Variants in RASGRF1 observed in about 807,000 individuals in gnomAD.
RASGRF1 encodes Ras protein specific guanine nucleotide releasing factor 1.
In RASGRF1, 40 loss-of-function variants were observed where a neutral mutation model predicts 138.7. That is an observed-to-expected ratio of 0.29 (90% confidence interval 0.22 to 0.38). The LOEUF is 0.38. Ranked by LOEUF, RASGRF1 falls within the 10% of genes least tolerant of loss-of-function variation. RASGRF1 has a pLI of 1.00. For synonymous variants in RASGRF1, 614 were observed against 663.2 expected, an observed-to-expected ratio of 0.93 and a Z score of 1.14; for missense variants, 1,108 against 1,650.4, an observed-to-expected ratio of 0.67 and a Z score of 5.69.
chr15:79,005,267 G>C (rs1342083637), intron 14 of RASGRF1: 1 of 985,688 alleles, frequency 1.0e-6, no homozygotes, highest in Non-Finnish European at 1.2e-6. Flanking sequence ...GGCAGCAGAG[G>C]TGTGGATTGG....
chr15:79,076,307 A>AGGGGAGGGGT, intron 1 of RASGRF1, among the ~76,000 whole-genome samples: 1 of 145,774 alleles, frequency 6.9e-6, no homozygotes, highest in Non-Finnish European at 1.5e-5. Flanking sequence ...AGGGGAGGGG[A>AGGGGAGGGGT]GGGGAGGTTG....
chr15:79,054,010 G>GTCAGCCCATTTCTAGC (rs1489717611), intron 3 of RASGRF1, among the ~76,000 whole-genome samples: 1 of 152,218 alleles, frequency 6.6e-6, no homozygotes, highest in Non-Finnish European at 1.5e-5. Context: ...TTCCCATGAT[G>GTCAGCCCATTTCTAGC]TCAGCCCATT....
In RASGRF1 at chr15:78,972,013, T is replaced by C. The variant is rs142285049; in HGVS notation, c.3613-79A>G. On this transcript the variant is annotated intron_variant, in intron 25 of 26. Transcript: ENST00000558480. ...CCAACTTTGCAGAGCTGAAGGGGCA[T>C]CAACAACTAAATCTGAAGTCAGCCT... The C allele has an allele frequency of 2.3e-4, 285 of 1,227,564 alleles. 1 individual carries two copies. In the East Asian group the frequency reaches 6.3e-3, roughly 27 times the overall value. 76.0% of individuals were successfully genotyped at this position (1,227,564 alleles called of 1,614,324 possible). A position where few individuals can be genotyped will look rare whatever the true frequency, so the allele number is the denominator to read the frequency against.
rs529644322 is a variant in RASGRF1, at chr15:79,071,520, C to T, written c.277-6994G>A. The stretch of plus-strand genomic sequence containing the variant: ...GACTACAGGTGTGCGCCGCCATGCC[C>T]GGCTAATTTTTTTTTTTTTTTGTAT... On this transcript the variant is annotated intron_variant, in intron 1 of 26. Coordinates refer to ENST00000558480, the MANE Select transcript of RASGRF1 (RefSeq NM_001145648.3). Among the ~76,000 whole-genome samples, 184 of 149,508 alleles carry T rather than the reference C, an allele frequency of 1.2e-3. 1 individual carries two copies. The highest frequency in any genetic ancestry group is 4.1e-3 in the African/African-American group (162 of 39,148).
intron 24 of RASGRF1, chr15:78,979,053 G>C: frequency 7.7e-7 from 1 of 1,291,524 alleles, no homozygotes; most frequent in Non-Finnish European, 1.0e-6. Flanking sequence ...AGCCATGTGA[G>C]GAGGTGGATG....
chr15:78,992,340 C>T (rs2056288128), intron 20 of RASGRF1, among the ~76,000 whole-genome samples: 1 of 152,204 alleles, frequency 6.6e-6, no homozygotes, highest in South Asian at 2.1e-4. Flanking sequence ...AGTCCGTGTC[C>T]CTGGCCCCCA....
intron 5 of RASGRF1, among the ~76,000 whole-genome samples, chr15:79,042,812 TAGTGTGGGAAGTATAGTCCAGA>T (rs561450398): frequency 2.8e-4 from 42 of 152,272 alleles, no homozygotes; most frequent in Admixed American, 2.3e-3. Flanking sequence ...AGCCCTGCTG[TAGTGTGGGAAGTATAGTCCAGA>T]AGCTTCAATC....
At chr15:79,021,144 C>T (rs1001976951) in intron 10 of RASGRF1, among the ~76,000 whole-genome samples, 1 of 152,190 alleles carries the variant, frequency 6.6e-6, no homozygotes, top group African/African-American at 2.4e-5. Context: ...CCTGAAATGC[C>T]CTGAGCCAAG....
Position 79,032,608 on chromosome 15 carries a change from G to A in RASGRF1, c.959-292C>T, listed in dbSNP as rs887039753. On this transcript the variant is annotated intron_variant, in intron 6 of 26. Coordinates refer to ENST00000558480, the MANE Select transcript of RASGRF1 (RefSeq NM_001145648.3). The surrounding 1 kb of genome is among the most constrained non-coding windows in gnomAD (Gnocchi z 4.5). The stretch of plus-strand genomic sequence containing the variant: ...GTCAGAGAGAGGAGGTAGAGTGGGC[G>A]CTGTGGGGTGCCACCTGGATCCCCC... Among the ~76,000 whole-genome samples the A allele has an allele frequency of 1.4e-4, 21 of 152,170 alleles. No individual in the cohort carries two copies. The highest frequency in any genetic ancestry group is 3.6e-4 in the African/African-American group (15 of 41,440).
At chr15:78,988,792 T>C (rs1218198546) in intron 22 of RASGRF1, among the ~76,000 whole-genome samples, 2 of 151,468 alleles carry the variant, frequency 1.3e-5, no homozygotes, top group African/African-American at 4.9e-5. Flanking sequence ...GGCTCTGTGG[T>C]TCAGGGGTTG....
At chr15:78,975,829 T>C (rs1353466332) in intron 24 of RASGRF1, among the ~76,000 whole-genome samples, 3 of 152,190 alleles carry the variant, frequency 2.0e-5, no homozygotes, top group Admixed American at 2.0e-4. Context: ...CAGCTCTTCA[T>C]TTCCTTTCTA....
At chr15:79,035,375 C>G (rs1595924478) in intron 5 of RASGRF1, among the ~76,000 whole-genome samples, 165 bp from the exon 6 acceptor site, 1 of 152,230 alleles carries the variant, frequency 6.6e-6, no homozygotes, top group Non-Finnish European at 1.5e-5. Flanking sequence ...TCTGGGGGTG[C>G]CTGGTGGTGC....
At chr15:79,001,831 T>A (rs2056534740) in intron 15 of RASGRF1, 44 bp from the exon 16 acceptor site, 2 of 1,073,244 alleles carry the variant, frequency 1.9e-6, no homozygotes, top group Non-Finnish European at 2.5e-6. Context: ...TTAATTTTAA[T>A]TTTAAAATTT....
chr15:79,022,324 C>T (rs992313701), intron 10 of RASGRF1, among the ~76,000 whole-genome samples: 3 of 151,988 alleles, frequency 2.0e-5, no homozygotes, highest in Non-Finnish European at 4.4e-5. Context: ...CCTATAATTC[C>T]AGCTACTCGG....
chr15:79,017,435 T>C (rs1190902548), intron 12 of RASGRF1, among the ~76,000 whole-genome samples: 1 of 152,204 alleles, frequency 6.6e-6, no homozygotes, highest in Non-Finnish European at 1.5e-5. Context: ...ACAGGTCACA[T>C]GCCAACAATT....
At chr15:79,056,430 G>A (rs2057512180) in intron 3 of RASGRF1, among the ~76,000 whole-genome samples, 4 of 152,168 alleles carry the variant, frequency 2.6e-5, no homozygotes, top group African/African-American at 9.7e-5. Context: ...GGCCGGAGTG[G>A]GGACATCCCT....
intron 5 of RASGRF1, among the ~76,000 whole-genome samples, chr15:79,044,137 TGCCCCTCCACATGGCAGAGGG>T (rs1482092471): frequency 6.6e-6 from 1 of 152,128 alleles, no homozygotes; most frequent in Non-Finnish European, 1.5e-5. Flanking sequence ...CCCCAAGGAG[TGCCCCTCCACATGGCAGAGGG>T]GCTGAGTTTC....
intron 16 of RASGRF1, 58 bp downstream of exon 16, chr15:79,001,604 C>A: frequency 6.3e-7 from 1 of 1,577,432 alleles, no homozygotes; most frequent in Non-Finnish European, 8.7e-7. Flanking sequence ...CTCGACTTGA[C>A]CTACTGCCCT....
intron 2 of RASGRF1, among the ~76,000 whole-genome samples, chr15:79,058,875 CA>C (rs2057546301): frequency 6.6e-6 from 1 of 152,206 alleles, no homozygotes; most frequent in Non-Finnish European, 1.5e-5. Context: ...TCCAACTTCT[CA>C]AGAGACTTGT....
Sources: gnomAD v4.1 joint callset for allele counts (sites outside exome capture counted in the v4.1 genomes callset) on GRCh38, gnomAD v4.1.1 for gene constraint, Gnocchi (gnomAD v3.1) non-coding constraint, MANE v1.5 for transcripts, NCBI Gene and HGNC (gene_info 2026-07-23, HGNC 2026-07-21) for gene names.